Variants in SHANK2 observed in about 807,000 individuals in gnomAD.
SHANK2 encodes the protein SH3 and multiple ankyrin repeat domains 2.
In SHANK2, 43 loss-of-function variants were observed where a neutral mutation model predicts 133.7. The ratio of observed to expected loss-of-function variants is 0.32; its 90% confidence interval spans 0.25 to 0.41. The LOEUF (loss-of-function observed/expected upper bound fraction) is 0.41, where lower values mean the gene tolerates loss of function less well. SHANK2 is among the 10% of genes least tolerant of loss of function. The pLI, the probability that SHANK2 is intolerant of heterozygous loss-of-function variation, is 1.00. For missense variants in SHANK2, 1,994 were observed against 2,235.8 expected (o/e 0.89, Z 2.18); for synonymous variants, 1,017 against 952.8 (o/e 1.07, Z -1.24).
In SHANK2 at chr11:70,489,950, G is replaced by T. The variant is rs946706535; in HGVS notation, c.2551+326C>A. Reference sequence around the variant, plus strand: ...CCACCCTGAGCAGGGCAGGGTGGGGGAGGGGGGTTGGCTCGCACCACCCCG... The same window carrying T: ...CCACCCTGAGCAGGGCAGGGTGGGGTAGGGGGGTTGGCTCGCACCACCCCG... On this transcript the variant is annotated intron_variant, in intron 23 of 25. Coordinates refer to ENST00000601538, the MANE Select transcript of SHANK2 (RefSeq NM_012309.5). The T allele has an allele frequency of 1.6e-5, 6 of 376,804 alleles. No homozygotes were observed. In the Admixed American group the frequency reaches 2.2e-4, roughly 14 times the overall value. 23.3% of individuals were successfully genotyped at this position (376,804 alleles called of 1,614,324 possible).
chr11:70,940,555 T>C lies in SHANK2; in HGVS notation c.1108-43988A>G, dbSNP rs114840455. ...TCTACCCACCCAGGCAGTGGTCACT[T>C]ATCACAGCAGGCCCAGGACACAAAG... On this transcript the variant is annotated intron_variant, in intron 10 of 25. Transcript: ENST00000601538. Among the ~76,000 whole-genome samples the C allele has an allele frequency of 5.5e-3, 842 of 152,136 alleles. 7 individuals carry two copies. The highest frequency in any genetic ancestry group is 0.019 in the African/African-American group (781 of 41,514).
chr11:70,876,824 C>T (rs1555071437), intron 11 of SHANK2, among the ~76,000 whole-genome samples: 1 of 152,082 alleles, frequency 6.6e-6, no homozygotes, highest in East Asian at 1.9e-4. Context: ...AGGGGATGTT[C>T]CATCAGAAGG....
chr11:71,194,766 C>T (rs1189225391), intron 2 of SHANK2, among the ~76,000 whole-genome samples: 1 of 152,226 alleles, frequency 6.6e-6, no homozygotes, highest in Admixed American at 6.5e-5. Flanking sequence ...ATTCAGGCTT[C>T]CATAACTTGA....
chr11:70,574,002 C>T (rs79161089), intron 17 of SHANK2, among the ~76,000 whole-genome samples: 1,642 of 152,290 alleles, frequency 0.011, 37 homozygotes, highest in African/African-American at 0.037. Context: ...TGGCCCCCAG[C>T]CCGGGTCCTT....
In SHANK2 at chr11:70,489,422, T is replaced by C. The variant is rs372710984; in HGVS notation, c.2552-74A>G. 1.9e-5 allele frequency: 28 copies of C among 1,475,146 alleles called. No homozygotes were observed. In the African/African-American group the frequency reaches 3.5e-4, roughly 18 times the overall value. 91.4% of individuals were successfully genotyped at this position (1,475,146 alleles called of 1,614,324 possible). ...ACGCAGCTTTCCCTGAGTTTGCTGG[T>C]GCAGGGGGAGCTTTAAGCACAGCAG... On this transcript the variant is annotated intron_variant, in intron 23 of 25. Coordinates refer to ENST00000601538, the MANE Select transcript of SHANK2 (RefSeq NM_012309.5).
chr11:70,582,637 A>C (rs1554985744), intron 17 of SHANK2, among the ~76,000 whole-genome samples: 1 of 152,220 alleles, frequency 6.6e-6, no homozygotes, highest in East Asian at 1.9e-4. Flanking sequence ...GTGGGCACCC[A>C]GTCGGGTGTG....
chr11:70,684,258 C>T (rs1945095891), intron 15 of SHANK2, among the ~76,000 whole-genome samples: 1 of 152,086 alleles, frequency 6.6e-6, no homozygotes, highest in African/African-American at 2.4e-5. Flanking sequence ...AGCCTGAAAC[C>T]ATGAAGGTTC....
chr11:70,905,254 A>C (rs1334575165), intron 10 of SHANK2, among the ~76,000 whole-genome samples: 2 of 151,984 alleles, frequency 1.3e-5, no homozygotes, highest in African/African-American at 2.4e-5. Flanking sequence ...ATATCAGGCA[A>C]CCCCTTTCAA....
chr11:70,937,535 T>C (rs1305786214), intron 10 of SHANK2, among the ~76,000 whole-genome samples: 1 of 152,222 alleles, frequency 6.6e-6, no homozygotes, highest in Non-Finnish European at 1.5e-5. Flanking sequence ...TGGTGGCCAA[T>C]GCACCTGGAG....
intron 3 of SHANK2, among the ~76,000 whole-genome samples, chr11:71,132,976 A>C (rs555666577): frequency 3.3e-5 from 5 of 152,320 alleles, no homozygotes; most frequent in African/African-American, 9.6e-5. Context: ...TGGTCTTAGC[A>C]ACCAGTTAAT....
At chr11:70,886,992 C>T (rs1452432068) in intron 11 of SHANK2, among the ~76,000 whole-genome samples, 1 of 152,122 alleles carries the variant, frequency 6.6e-6, no homozygotes, top group African/African-American at 2.4e-5. Flanking sequence ...GAAGAACAAC[C>T]CATGTCATTT....
At chr11:71,108,064 C>T (rs567941423) in intron 6 of SHANK2, among the ~76,000 whole-genome samples, 1 of 152,314 alleles carries the variant, frequency 6.6e-6, no homozygotes, top group South Asian at 2.1e-4. Context: ...CCAAAGGCTG[C>T]CTCCAGGGAG....
At chr11:70,833,494 G>A (rs782082571) in intron 11 of SHANK2, among the ~76,000 whole-genome samples, 1 of 152,214 alleles carries the variant, frequency 6.6e-6, no homozygotes, top group Non-Finnish European at 1.5e-5. Context: ...TCTGGTCCAG[G>A]GACCCTGACA....
chr11:70,782,469 G>A (rs1383627640), intron 14 of SHANK2, among the ~76,000 whole-genome samples: 1 of 152,192 alleles, frequency 6.6e-6, no homozygotes, highest in African/African-American at 2.4e-5. Flanking sequence ...GGTCCCAGTC[G>A]AGCTGCCCTG....
intron 17 of SHANK2, among the ~76,000 whole-genome samples, chr11:70,600,320 G>A (rs1203009553): frequency 6.6e-6 from 1 of 150,646 alleles, no homozygotes; most frequent in Non-Finnish European, 1.5e-5. Context: ...TCAGGAGGCT[G>A]AGGCATGAGA....
intron 13 of SHANK2, among the ~76,000 whole-genome samples, chr11:70,805,150 T>C (rs1009065818): frequency 7.2e-5 from 11 of 152,138 alleles, no homozygotes; most frequent in African/African-American, 2.2e-4. Context: ...CTGGCTGCCC[T>C]ACAGGAACTG....
intron 6 of SHANK2, among the ~76,000 whole-genome samples, chr11:71,105,158 G>A (rs1332184939): frequency 1.3e-5 from 2 of 152,156 alleles, no homozygotes; most frequent in Non-Finnish European, 2.9e-5. Context: ...AAAAGGAAAC[G>A]CGCTTCCAAG....
At chr11:70,906,785 A>C (rs936859219) in intron 10 of SHANK2, among the ~76,000 whole-genome samples, 22 of 152,098 alleles carry the variant, frequency 1.4e-4, no homozygotes, top group African/African-American at 5.1e-4. Flanking sequence ...CACGGCAGGG[A>C]GTGGGCCTGG....
chr11:71,243,567 C>T (rs1019031188), intron 1 of SHANK2, among the ~76,000 whole-genome samples: 3 of 151,994 alleles, frequency 2.0e-5, no homozygotes, highest in Admixed American at 6.6e-5. Flanking sequence ...TGGTGGTGGG[C>T]GCCTGTAGTG....
Sources: gnomAD v4.1 joint callset for allele counts (sites outside exome capture counted in the v4.1 genomes callset) on GRCh38, gnomAD v4.1.1 for gene constraint, MANE v1.5 for transcripts, NCBI Gene and HGNC (gene_info 2026-07-23, HGNC 2026-07-21) for gene names.